The following CDH10 variants were observed in gnomAD, a reference collection of about 807,000 sequenced individuals.
CDH10 encodes the protein cadherin-10.
Under a neutral mutation model 73.1 loss-of-function variants are expected in CDH10, and 30 were observed. The observed-to-expected ratio is 0.41, with a 90% confidence interval of 0.31 to 0.56. The LOEUF (loss-of-function observed/expected upper bound fraction) is 0.56, where lower values mean the gene tolerates loss of function less well. Ranked by LOEUF, CDH10 falls within the 20% of genes least tolerant of loss-of-function variation. The pLI, the probability that CDH10 is intolerant of heterozygous loss-of-function variation, is 0.27. For missense variants in CDH10, 815 were observed against 973.7 expected (o/e 0.84, Z 2.17); for synonymous variants, 345 against 348.2 (o/e 0.99, Z 0.10).
intron 7 of CDH10, among the ~76,000 whole-genome samples, chr5:24,509,268 T>A (rs916617428): frequency 8.3e-6 from 1 of 120,966 alleles, no homozygotes; most frequent in African/African-American, 3.2e-5. Flanking sequence ...TGAGACAGAT[T>A]CATCTCTGTC....
intron 2 of CDH10, among the ~76,000 whole-genome samples, chr5:24,575,443 A>AC (rs1224224313): frequency 1.3e-5 from 2 of 151,396 alleles, no homozygotes; most frequent in Non-Finnish European, 2.9e-5. Flanking sequence ...TCCATCTTTT[A>AC]CGAATTACGT....
At chr5:24,566,559 T>C (rs72752004) in intron 2 of CDH10, among the ~76,000 whole-genome samples, 4,743 of 152,234 alleles carry the variant, frequency 0.031, 120 homozygotes, top group Non-Finnish European at 0.047. Flanking sequence ...CCAAAGTATA[T>C]AGTCAGTCGA....
At chr5:24,605,227 G>A (rs1028602265) in intron 1 of CDH10, among the ~76,000 whole-genome samples, 10 of 152,200 alleles carry the variant, frequency 6.6e-5, no homozygotes, top group African/African-American at 1.9e-4. Flanking sequence ...GTGTTGGAAA[G>A]GATATAGAGC....
At chr5:24,586,809 A>C (rs1304249607) in intron 2 of CDH10, among the ~76,000 whole-genome samples, 2 of 150,144 alleles carry the variant, frequency 1.3e-5, no homozygotes, top group Non-Finnish European at 3.0e-5. Flanking sequence ...AATAACAATA[A>C]TAATAATAGT....
chr5:24,522,872 A>G lies in CDH10; in HGVS notation c.815-11358T>C, dbSNP rs182879803. On this transcript the variant is annotated intron_variant, in intron 5 of 11. Coordinates refer to ENST00000264463, the MANE Select transcript of CDH10 (RefSeq NM_006727.5). ...ACCTAAATTTTACAGTTAACAGTAT[A>G]GCATTTTTGAAAATTACACTAAAAA... is the stretch of plus-strand genomic sequence containing the variant. 7.0e-4 allele frequency among the ~76,000 whole-genome samples: 106 copies of G among 152,314 alleles called. 1 individual carries two copies. Among genetic ancestry groups the G allele is most frequent in the Non-Finnish European group, 1.3e-3 (90 of 68,040 alleles).
intron 5 of CDH10, among the ~76,000 whole-genome samples, chr5:24,512,390 AT>A (rs1190177791): frequency 6.6e-6 from 1 of 152,198 alleles, no homozygotes; most frequent in East Asian, 1.9e-4. Context: ...ACCACAGGAT[AT>A]ACACTGAATG....
chr5:24,504,461 C>CCTGTGTCAT (rs1416191817), intron 8 of CDH10, among the ~76,000 whole-genome samples: 1 of 138,876 alleles, frequency 7.2e-6, no homozygotes, highest in African/African-American at 2.6e-5. Flanking sequence ...TGTGAGAGCT[C>CCTGTGTCAT]CTGTGTCATG....
intron 1 of CDH10, among the ~76,000 whole-genome samples, chr5:24,633,777 A>G (rs1747779415): frequency 6.6e-6 from 1 of 151,878 alleles, no homozygotes; most frequent in African/African-American, 2.4e-5. Flanking sequence ...TTTAAAAATG[A>G]TTCATTTTCA....
At chr5:24,633,792 C>G (rs1284011974) in intron 1 of CDH10, among the ~76,000 whole-genome samples, 1 of 151,726 alleles carries the variant, frequency 6.6e-6, no homozygotes, top group Non-Finnish European at 1.5e-5. Flanking sequence ...TTTTCAATGT[C>G]ATCTTATAAC....
intron 2 of CDH10, among the ~76,000 whole-genome samples, chr5:24,569,963 A>G (rs375971155): frequency 1.3e-5 from 2 of 151,824 alleles, no homozygotes; most frequent in African/African-American, 4.8e-5. Flanking sequence ...ACGGGGTTTC[A>G]CCATATTGGA....
In CDH10 at chr5:24,602,176, A is replaced by G. The variant is rs139510641; in HGVS notation, c.-123-8563T>C. ...ATCACTACAACAAAAATTCACACTTATTAAAGGCAGTGAAATTTGTAAGCT... is the reference window on the plus strand; with the variant it reads ...ATCACTACAACAAAAATTCACACTTGTTAAAGGCAGTGAAATTTGTAAGCT... On this transcript the variant is annotated intron_variant, in intron 1 of 11. Coordinates refer to ENST00000264463, the MANE Select transcript of CDH10 (RefSeq NM_006727.5). Among the ~76,000 whole-genome samples the G allele has an allele frequency of 1.3e-3, 199 of 152,312 alleles. 5 individuals carry two copies. The South Asian group carries it at 0.04, about 31-fold the overall frequency.
rs75204194 is a variant in CDH10, at chr5:24,623,125, T to C, written c.-124+21469A>G. ...CTTTGTGTCATGCAGGAAGAAGATA[T>C]GACTGGGAACTAGAGCTACTGGATC... On this transcript the variant is annotated intron_variant, in intron 1 of 11. Transcript: ENST00000264463. Among the ~76,000 whole-genome samples, 1,176 of 152,292 alleles carry C rather than the reference T, an allele frequency of 7.7e-3. 21 individuals carry two copies. Among genetic ancestry groups the C allele is most frequent in the African/African-American group, 0.027 (1,106 of 41,562 alleles).
chr5:24,509,521 G>C (rs773562003), intron 7 of CDH10, 45 bp downstream of exon 7: 1 of 1,593,538 alleles, frequency 6.3e-7, no homozygotes, highest in Non-Finnish European at 8.6e-7. Context: ...TTACAGGCGT[G>C]AGCCACCGAG....
At chr5:24,512,175 A>G (rs1742939876) in intron 5 of CDH10, among the ~76,000 whole-genome samples, 1 of 151,976 alleles carries the variant, frequency 6.6e-6, no homozygotes, top group South Asian at 2.1e-4. Flanking sequence ...TTGTCTCTTT[A>G]TTTTATTTTA....
chr5:24,529,247 T>C (rs374823450), intron 5 of CDH10, among the ~76,000 whole-genome samples: 1 of 151,972 alleles, frequency 6.6e-6, no homozygotes, highest in East Asian at 1.9e-4. Context: ...CAAGCATGCA[T>C]AGGTATGACA....
At chr5:24,579,963 G>GT (rs988159344) in intron 2 of CDH10, among the ~76,000 whole-genome samples, 66 of 151,940 alleles carry the variant, frequency 4.3e-4, no homozygotes, top group African/African-American at 1.6e-3. Context: ...GCTGAAATCT[G>GT]TTTTTTTCTC....
At chr5:24,537,871 G>T (rs1279530189) in intron 2 of CDH10, among the ~76,000 whole-genome samples, 197 bp from the exon 3 acceptor site, 2 of 151,798 alleles carry the variant, frequency 1.3e-5, no homozygotes, top group Admixed American at 6.6e-5. Flanking sequence ...TATATATCAG[G>T]ATACTTTTTA....
chr5:24,628,733 C>T (rs2112189016), intron 1 of CDH10, among the ~76,000 whole-genome samples: 1 of 152,034 alleles, frequency 6.6e-6, no homozygotes, highest in South Asian at 2.1e-4. Context: ...TCAGCATAAA[C>T]CCAGGTTGGT....
chr5:24,592,614 CA>C (rs1260804835), intron 2 of CDH10, among the ~76,000 whole-genome samples: 1 of 151,800 alleles, frequency 6.6e-6, no homozygotes, highest in African/African-American at 2.4e-5. Flanking sequence ...TAATTATCCT[CA>C]CTAACTTTAT....
Sources: gnomAD v4.1 joint callset for allele counts (sites outside exome capture counted in the v4.1 genomes callset) on GRCh38, gnomAD v4.1.1 for gene constraint, MANE v1.5 for transcripts, NCBI Gene and HGNC (gene_info 2026-07-23, HGNC 2026-07-21) for gene names.